DCDC1: variants seen among roughly 807,000 people sequenced by gnomAD.
DCDC1 encodes doublecortin domain containing 1.
In DCDC1, 200 loss-of-function variants were observed where a neutral mutation model predicts 178.3. That is an observed-to-expected ratio of 1.12 (90% CI 1.00 to 1.26). DCDC1 has a LOEUF of 1.26. DCDC1 is among the 50% of genes most tolerant of loss of function. The pLI is 0.00. For missense variants in DCDC1, 1,983 were observed against 1,749.2 expected (o/e 1.13, Z -2.38); for synonymous variants, 690 against 604.8 (o/e 1.14, Z -2.07).
At chr11:30,887,545 G>C (rs1943287020) in intron 36 of DCDC1, among the ~76,000 whole-genome samples, 2 of 152,326 alleles carry the variant, frequency 1.3e-5, no homozygotes, top group Middle Eastern at 3.4e-3. Flanking sequence ...GAAGTGTTCT[G>C]AAATATACCT....
intron 9 of DCDC1, among the ~76,000 whole-genome samples, chr11:31,192,557 G>C (rs1970249503): frequency 6.6e-6 from 1 of 152,072 alleles, no homozygotes; most frequent in South Asian, 2.1e-4. Flanking sequence ...TCACAATTTA[G>C]TTTAAACATC....
In DCDC1 at chr11:31,348,153, A is replaced by C. The variant is rs560467853; in HGVS notation, c.-124-12589T>G. 1.9e-3 allele frequency among the ~76,000 whole-genome samples: 294 copies of C among 152,318 alleles called. 1 individual carries two copies. Among genetic ancestry groups the C allele is most frequent in the South Asian group, 4.6e-3 (22 of 4,826 alleles). On this transcript the variant is annotated intron_variant, in intron 1 of 38. Transcript: ENST00000684477. Reference sequence around the variant, plus strand: ...AATACATGCTAGGAGTTTCACCTGTATCTCATAACATACTTGCTGACTTCC... The same window carrying C: ...AATACATGCTAGGAGTTTCACCTGTCTCTCATAACATACTTGCTGACTTCC...
chr11:31,118,442 C>T (rs998443653), intron 11 of DCDC1, among the ~76,000 whole-genome samples: 11 of 152,078 alleles, frequency 7.2e-5, no homozygotes, highest in South Asian at 2.1e-4. Flanking sequence ...TTTTCACTTA[C>T]GAGAAAATCT....
chr11:31,196,282 C>T (rs1416637540), intron 9 of DCDC1, among the ~76,000 whole-genome samples: 1 of 152,042 alleles, frequency 6.6e-6, no homozygotes, highest in Non-Finnish European at 1.5e-5. Flanking sequence ...CCTACACCAA[C>T]CAATCCTCCA....
At chr11:30,998,848 A>G (rs1951415965) in intron 20 of DCDC1, among the ~76,000 whole-genome samples, 1 of 152,190 alleles carries the variant, frequency 6.6e-6, no homozygotes, top group Non-Finnish European at 1.5e-5. Context: ...GTACAGAAGG[A>G]AAAAACAGTT....
At chr11:31,272,780 A>G (rs1318207436) in intron 7 of DCDC1, among the ~76,000 whole-genome samples, 1 of 152,130 alleles carries the variant, frequency 6.6e-6, no homozygotes, top group Non-Finnish European at 1.5e-5. Context: ...CGCTGCTTTC[A>G]TGGGCTGGTG....
intron 1 of DCDC1, among the ~76,000 whole-genome samples, chr11:31,338,442 A>G (rs2133190933): frequency 6.6e-6 from 1 of 152,342 alleles, no homozygotes; most frequent in Non-Finnish European, 1.5e-5. Flanking sequence ...ATGTATGATC[A>G]AGAATAGGTG....
At chr11:31,015,299 C>T (rs970471722) in intron 20 of DCDC1, among the ~76,000 whole-genome samples, 6 of 152,112 alleles carry the variant, frequency 3.9e-5, no homozygotes, top group African/African-American at 1.4e-4. Context: ...TACAGAATTT[C>T]CTTATTTTGT....
At chr11:31,353,021 G>C (rs1348289077) in intron 1 of DCDC1, among the ~76,000 whole-genome samples, 1 of 152,140 alleles carries the variant, frequency 6.6e-6, no homozygotes, top group Non-Finnish European at 1.5e-5. Context: ...ACATATACAA[G>C]TGTGCACAAA....
At chr11:30,946,105 A>G (rs1488881715) in intron 21 of DCDC1, among the ~76,000 whole-genome samples, 2 of 152,186 alleles carry the variant, frequency 1.3e-5, no homozygotes, top group African/African-American at 4.8e-5. Context: ...ATCATATACC[A>G]TTGGGAAAGA....
chr11:31,224,644 CT>C (rs1974691774), intron 9 of DCDC1, among the ~76,000 whole-genome samples: 1 of 151,970 alleles, frequency 6.6e-6, no homozygotes, highest in African/African-American at 2.4e-5. Context: ...CTACATGGAA[CT>C]CAAACAAATC....
chr11:31,114,129 T>C (rs1959478654), intron 11 of DCDC1, among the ~76,000 whole-genome samples: 1 of 152,124 alleles, frequency 6.6e-6, no homozygotes. Flanking sequence ...GAGAAGTGAC[T>C]GCAAAACACT....
intron 20 of DCDC1, among the ~76,000 whole-genome samples, chr11:30,958,635 C>T (rs1948904591): frequency 6.6e-6 from 1 of 152,032 alleles, no homozygotes; most frequent in Admixed American, 6.6e-5. Context: ...GGTGGTGTGT[C>T]CTTAACAGCT....
Position 31,103,670 on chromosome 11 carries a change from A to G in DCDC1, c.1851T>C (p.Asn617=), listed in dbSNP as rs1046092133. The G allele has an allele frequency of 1.0e-5, 8 of 765,118 alleles. No individual in the cohort carries two copies. Among genetic ancestry groups the G allele is most frequent in the African/African-American group, 5.1e-5 (3 of 59,136 alleles). The allele number at this position is 765,118 out of a possible 1,614,324, so 47.4% of individuals were successfully genotyped here. Residue 617 remains asparagine, a synonymous_variant, in exon 14 of 39, where the codon AAT becomes AAC. Coordinates refer to ENST00000684477, the MANE Select transcript of DCDC1 (RefSeq NM_001387274.1). Reference sequence around the variant, plus strand: ...TGCCACATCCAGGTAGCAGAACAGCATTAGGATCCAAAAAGGTCTTATATG... The same window carrying G: ...TGCCACATCCAGGTAGCAGAACAGCGTTAGGATCCAAAAAGGTCTTATATG... ...MVAYKTFLDP[N]AVLLPGCGNW...
chr11:31,245,638 C>G (rs1455434960), intron 8 of DCDC1, among the ~76,000 whole-genome samples: 1 of 151,576 alleles, frequency 6.6e-6, no homozygotes, highest in Admixed American at 6.6e-5. Context: ...AGGAGAAGGC[C>G]AGAGATGGGT....
At chr11:31,115,983 G>GGGGGA (rs1339020637) in intron 11 of DCDC1, among the ~76,000 whole-genome samples, 1 of 69,530 alleles carries the variant, frequency 1.4e-5, no homozygotes, top group Admixed American at 1.6e-4. Context: ...TGTGGCAGTG[G>GGGGGA]GGGGGGGGGG....
intron 8 of DCDC1, among the ~76,000 whole-genome samples, chr11:31,261,263 T>A (rs1944762088): frequency 6.6e-6 from 1 of 152,184 alleles, no homozygotes; most frequent in South Asian, 2.1e-4. Flanking sequence ...GCTGTTTACA[T>A]TATCTCCTAA....
intron 8 of DCDC1, among the ~76,000 whole-genome samples, chr11:31,264,445 G>GT (rs1347064332): frequency 7.1e-4 from 108 of 152,230 alleles, no homozygotes; most frequent in African/African-American, 2.5e-3. Context: ...GAGAGAGGGA[G>GT]GCAGAAAGAG....
In DCDC1 at chr11:31,313,963, T is replaced by C. The variant is rs560012407; in HGVS notation, c.165-6055A>G. Among the ~76,000 whole-genome samples, 42 of 152,332 alleles carry C rather than the reference T, an allele frequency of 2.8e-4. No individual in the cohort carries two copies. The South Asian group carries it at 7.7e-3, about 28-fold the overall frequency. ...GATCATCTTGTCCTGGAAGTGTATATGTCTCTACTGCAAATTTTTCATTAC... is the reference window on the plus strand; with the variant it reads ...GATCATCTTGTCCTGGAAGTGTATACGTCTCTACTGCAAATTTTTCATTAC... On this transcript the variant is annotated intron_variant, in intron 3 of 38. Coordinates refer to ENST00000684477, the MANE Select transcript of DCDC1 (RefSeq NM_001387274.1).
Sources: allele counts gnomAD v4.1 joint callset (sites outside exome capture counted in the v4.1 genomes callset), GRCh38; gene constraint gnomAD v4.1.1; transcripts MANE v1.5; gene names NCBI Gene and HGNC (gene_info 2026-07-23, HGNC 2026-07-21).